Variants in DDI2 observed in about 807,000 individuals in gnomAD.
DDI2 encodes DDI proteasomal shuttling factor 2.
DDI2 carries 5 observed loss-of-function variants against 48.1 expected under a neutral mutation model. The observed-to-expected ratio is 0.10, with a 90% CI of 0.05 to 0.22. The LOEUF is 0.22. DDI2 is among the 10% of genes least tolerant of loss of function. The pLI, the probability that DDI2 is intolerant of heterozygous loss-of-function variation, is 1.00. For synonymous variants in DDI2, 205 were observed against 183.6 expected (o/e 1.12, Z -0.94); for missense variants, 285 against 506.2 (o/e 0.56, Z 4.19).
intron 5 of DDI2, among the ~76,000 whole-genome samples, chr1:15,639,291 A>G (rs1015182425): frequency 1.3e-5 from 2 of 152,102 alleles, no homozygotes; most frequent in East Asian, 1.9e-4. Context: ...GGTCTCATAC[A>G]TCTTAATTCT....
chr1:15,650,886 G>A (rs940764990), intron 7 of DDI2, among the ~76,000 whole-genome samples: 4 of 152,056 alleles, frequency 2.6e-5, no homozygotes, highest in Non-Finnish European at 4.4e-5. Flanking sequence ...ATAGCGTCTC[G>A]CTCAGTTGCC....
rs374929116 is a variant in DDI2 at position 15,649,834 on chromosome 1, G to A, written c.993+11G>A. 1.6e-5 allele frequency: 25 copies of A among 1,599,640 alleles called. No homozygotes were observed. In the African/African-American group the frequency reaches 2.0e-4, roughly 13 times the overall value. On this transcript the variant is annotated intron_variant, in intron 7 of 9. Transcript: ENST00000480945. The stretch of plus-strand genomic sequence containing the variant: ...CTTAAACGGCACCAGGTAATTAAGA[G>A]CTTCACTTATTTTTTTTGCATCTGC...
At position 15,619,555 on chromosome 1, in the gene DDI2, G is replaced by A. The variant is rs530458596; in HGVS notation, c.138+1747G>A. On this transcript the variant is annotated intron_variant, in intron 1 of 9. Coordinates refer to ENST00000480945, the MANE Select transcript of DDI2 (RefSeq NM_032341.5). Reference sequence around the variant, plus strand: ...CGGCTTACTGCAAGCTCCACCTCCCGGGTTCGTGCCATTCTCCTGCCTCAG... The same window carrying A: ...CGGCTTACTGCAAGCTCCACCTCCCAGGTTCGTGCCATTCTCCTGCCTCAG... Among the ~76,000 whole-genome samples the A allele has an allele frequency of 3.3e-5, 5 of 150,568 alleles. No homozygotes were observed. In the South Asian group the frequency reaches 1.1e-3, roughly 32 times the overall value.
In DDI2 at chr1:15,663,685, C is replaced by T. The variant is rs1640412254; in HGVS notation, c.*3895C>T. 2 of 151,672 alleles carry T rather than the reference C, an allele frequency of 1.3e-5. No homozygotes were observed. The highest frequency in any genetic ancestry group is 2.1e-4 in the South Asian group (1 of 4,808). 9.4% of individuals were successfully genotyped at this position (151,672 alleles called of 1,614,324 possible). ...TGTGATTGTAATTAAATAGTTGGTG[C>T]TATGATTGATGCAAAATCTAGTAGC... On this transcript the variant is annotated 3_prime_UTR_variant, in exon 10 of 10. Transcript: ENST00000480945.
At position 15,660,785 on chromosome 1, in the gene DDI2, C is replaced by G; in HGVS notation, c.*995C>G. 1 of 1,614,042 alleles carries G rather than the reference C, an allele frequency of 6.2e-7. No homozygotes were observed. Among genetic ancestry groups the G allele is most frequent in the Non-Finnish European group, 8.5e-7 (1 of 1,180,012 alleles). On this transcript the variant is annotated 3_prime_UTR_variant, in exon 10 of 10. Transcript: ENST00000480945. ...TCTGAAATTTTGAATGATTCCATTT[C>G]CACTCAGGATTTACAGCCCCCAGAA...
intron 5 of DDI2, among the ~76,000 whole-genome samples, chr1:15,639,844 C>A (rs1639979924): frequency 6.6e-6 from 1 of 151,762 alleles, no homozygotes; most frequent in East Asian, 1.9e-4. Flanking sequence ...CTCGCCTCTA[C>A]AAAAAATACA....
chr1:15,638,829 G>A (rs1490554416), intron 5 of DDI2, among the ~76,000 whole-genome samples: 7 of 152,182 alleles, frequency 4.6e-5, no homozygotes, highest in Non-Finnish European at 8.8e-5. Flanking sequence ...ACTCACTAGC[G>A]TGGGACTTAC....
intron 4 of DDI2, among the ~76,000 whole-genome samples, chr1:15,637,852 A>G (rs1404625430): frequency 6.6e-6 from 1 of 152,128 alleles, no homozygotes; most frequent in Admixed American, 6.6e-5. Flanking sequence ...TAGAAAACCC[A>G]GTCCTGGAGA....
chr1:15,623,439 G>A (rs1639702126), intron 1 of DDI2, among the ~76,000 whole-genome samples: 1 of 143,916 alleles, frequency 6.9e-6, no homozygotes, highest in Non-Finnish European at 1.5e-5. Context: ...TGTTGCCCAG[G>A]CTGGAGTGCA....
In DDI2 at chr1:15,667,370, A is replaced by T. The variant is rs1473659497; in HGVS notation, c.*7580A>T. ...ACAAATAAATGGAAGATGACCCTAAAAATGCACCAGTGACAGTCAGTCAAT... is the reference window on the plus strand; with the variant it reads ...ACAAATAAATGGAAGATGACCCTAATAATGCACCAGTGACAGTCAGTCAAT... On this transcript the variant is annotated 3_prime_UTR_variant, in exon 10 of 10. Transcript: ENST00000480945. 1 of 152,238 alleles carries T rather than the reference A, an allele frequency of 6.6e-6. No individual in the cohort carries two copies. Among genetic ancestry groups the T allele is most frequent in the Non-Finnish European group, 1.5e-5 (1 of 68,062 alleles). The allele number at this position is 152,238 out of a possible 1,614,324, so 9.4% of individuals were successfully genotyped here. A position where few individuals can be genotyped will look rare whatever the true frequency, so the allele number is the denominator to read the frequency against.
chr1:15,644,122 T>C (rs920272330), intron 6 of DDI2, among the ~76,000 whole-genome samples: 3 of 152,186 alleles, frequency 2.0e-5, no homozygotes, highest in Admixed American at 6.6e-5. Context: ...TCCCAGACAT[T>C]TCCTAATTAT....
rs149599996 is a variant in DDI2 at position 15,638,334 on chromosome 1, A to G, written c.660A>G (p.Thr220=). Residue 220 remains threonine, a synonymous_variant, in exon 5 of 10, where the codon ACA becomes ACG. Transcript: ENST00000480945. Reference sequence around the variant, plus strand: ...AACAGAACATTGAGGAAAACATGACAATAGCTATGGAAGAGGCTCCGGAAA... The same window carrying G: ...AACAGAACATTGAGGAAAACATGACGATAGCTATGGAAGAGGCTCCGGAAA... ...IRQQNIEENM[T]IAMEEAPESF... 426 of 1,613,944 alleles carry G rather than the reference A, an allele frequency of 2.6e-4. No homozygotes were observed. The East Asian group carries it at 8.2e-3, about 31-fold the overall frequency.
At position 15,647,945 on chromosome 1, in the gene DDI2, T is replaced by C. The variant is rs1640116626; in HGVS notation, c.890-1775T>C. Among the ~76,000 whole-genome samples the C allele has an allele frequency of 2.0e-5, 3 of 152,160 alleles. No homozygotes were observed. In the South Asian group the frequency reaches 6.2e-4, roughly 32 times the overall value. ...TGCCAGTGTACTTCAGCCTGGGCAA[T>C]AGAGCAATACTCTTTTCTCAAAAAA... On this transcript the variant is annotated intron_variant, in intron 6 of 9. Transcript: ENST00000480945.
chr1:15,649,586 A>G lies in DDI2; in HGVS notation c.890-134A>G, dbSNP rs1392890257. 5.7e-6 allele frequency: 4 copies of G among 699,806 alleles called. No homozygotes were observed. The Admixed American group carries it at 1.1e-4, about 19-fold the overall frequency. The allele number at this position is 699,806 out of a possible 1,614,324, so 43.3% of individuals were successfully genotyped here. A position where few individuals can be genotyped will look rare whatever the true frequency, so the allele number is the denominator to read the frequency against. The stretch of plus-strand genomic sequence containing the variant: ...CTTGGGAGGCTGAGGCAAGAGAATC[A>G]CTTAAACCCGGGAGGCAGAGGTTGC... On this transcript the variant is annotated intron_variant, in intron 6 of 9. Transcript: ENST00000480945.
At position 15,660,010 on chromosome 1, in the gene DDI2, A is replaced by G. The variant is rs1441953363; in HGVS notation, c.*220A>G. On this transcript the variant is annotated 3_prime_UTR_variant, in exon 10 of 10. Transcript: ENST00000480945. ...TATCAAGCCCAGTGACTCAGATCGCATTGAACCTAAAGCTGTGAAGGCTTT... is the reference window on the plus strand; with the variant it reads ...TATCAAGCCCAGTGACTCAGATCGCGTTGAACCTAAAGCTGTGAAGGCTTT... 3 of 1,614,204 alleles carry G rather than the reference A, an allele frequency of 1.9e-6. No homozygotes were observed. In the South Asian group the frequency reaches 3.3e-5, roughly 18 times the overall value.
chr1:15,667,607 G>C lies in DDI2; in HGVS notation c.*7817G>C, dbSNP rs967197606. On this transcript the variant is annotated 3_prime_UTR_variant, in exon 10 of 10. Transcript: ENST00000480945. The stretch of plus-strand genomic sequence containing the variant: ...CAGAACATGTAATCAGCGATGGCTG[G>C]GATTGGTGGACAGGATTGACAGGAG... 6.6e-6 allele frequency: 1 copy of C among 152,248 alleles called. No individual in the cohort carries two copies. The highest frequency in any genetic ancestry group is 2.4e-5 in the African/African-American group (1 of 41,450). 9.4% of individuals were successfully genotyped at this position (152,248 alleles called of 1,614,324 possible).
intron 3 of DDI2, among the ~76,000 whole-genome samples, chr1:15,632,595 TTTCTC>T (rs1369065348): frequency 6.6e-6 from 1 of 152,178 alleles, no homozygotes. Flanking sequence ...CAAGCAGTGT[TTTCTC>T]TACTAATTTT....
chr1:15,625,326 G>A (rs1204094616), intron 1 of DDI2, among the ~76,000 whole-genome samples: 4 of 152,132 alleles, frequency 2.6e-5, no homozygotes, highest in Admixed American at 1.3e-4. Flanking sequence ...TCCTCAGTTC[G>A]CATGTGGCCT....
At position 15,667,561 on chromosome 1, in the gene DDI2, TGTGAAAACGGGAATCTAGA is replaced by T. The variant is rs1640473483; in HGVS notation, c.*7773_*7791del. The T allele has an allele frequency of 1.3e-5, 2 of 152,240 alleles. No individual in the cohort carries two copies. The highest frequency in any genetic ancestry group is 1.3e-4 in the Admixed American group (2 of 15,282). The allele number at this position is 152,240 out of a possible 1,614,324, so 9.4% of individuals were successfully genotyped here. ...TATTTTAAAGCAGCTGGGTGCAACT[TGTGAAAACGGGAATCTAGA>T]GCAGAACATGTAATCAGCGATGGCT... On this transcript the variant is annotated 3_prime_UTR_variant, in exon 10 of 10. Transcript: ENST00000480945.
Sources: allele counts gnomAD v4.1 joint callset (sites outside exome capture counted in the v4.1 genomes callset), GRCh38; gene constraint gnomAD v4.1.1; transcripts MANE v1.5; gene names NCBI Gene and HGNC (gene_info 2026-07-23, HGNC 2026-07-21).